Variants in RASA3 observed in about 807,000 individuals in gnomAD.
RASA3 encodes the protein RAS p21 protein activator 3, also known as ras GTPase-activating protein 3.
Under a neutral mutation model 110.0 loss-of-function variants are expected in RASA3, and 73 were observed. The ratio of observed to expected loss-of-function variants is 0.66; its 90% CI spans 0.55 to 0.81. RASA3 has a LOEUF of 0.81. RASA3 is among the 30% of genes least tolerant of loss of function. The probability of loss-of-function intolerance (pLI) is 0.00; values close to 1 mark genes in which losing one functional copy is unlikely to be tolerated. For synonymous variants in RASA3, 500 were observed against 451.4 expected, an observed-to-expected ratio of 1.11 and a Z score of -1.37; for missense variants, 976 against 1,113.2, an observed-to-expected ratio of 0.88 and a Z score of 1.75.
At chr13:114,013,489 GTC>G (rs142638282) in intron 14 of RASA3, among the ~76,000 whole-genome samples, 192 of 130,794 alleles carry the variant, frequency 1.5e-3, no homozygotes, top group African/African-American at 4.7e-3. Flanking sequence ...CCGTATCTCT[GTC>G]TCTCTCTCTC....
chr13:114,018,115 C>T lies in RASA3; in HGVS notation c.1080G>A (p.Val360=), dbSNP rs1417632573. 6.5e-7 allele frequency: 1 copy of T among 1,544,150 alleles called. No homozygotes were observed. The highest frequency in any genetic ancestry group is 8.8e-7 in the Non-Finnish European group (1 of 1,142,836). ...GGGTGGGCACTCACTGGGTCCGCTT[C>T]ACCTCCGCGCTGGCGATGGCACTGA... The part of the protein sequence containing the change: ...PFISAIASAE[V]KRTQDPNTIF... The change falls in exon 11 of 24, where the codon GTG becomes GTA. Residue 360 remains valine (V), a synonymous_variant. Transcript: ENST00000334062.
intron 1 of RASA3, among the ~76,000 whole-genome samples, chr13:114,081,653 G>C (rs2079790282): frequency 6.6e-6 from 1 of 152,174 alleles, no homozygotes; most frequent in Admixed American, 6.5e-5. Flanking sequence ...GCAGACAGGG[G>C]ACCTCTCCTC....
At chr13:114,132,398 CG>C (rs1394941123) in intron 1 of RASA3, 36 bp downstream of exon 1, 30 of 1,488,094 alleles carry the variant, frequency 2.0e-5, no homozygotes, top group Admixed American at 6.6e-5. Flanking sequence ...AGGGTCGGGC[CG>C]GGGGGTCGGA....
At chr13:114,117,094 C>A (rs1439103571) in intron 1 of RASA3, among the ~76,000 whole-genome samples, 1 of 117,296 alleles carries the variant, frequency 8.5e-6, no homozygotes, top group Non-Finnish European at 1.7e-5. Context: ...GTGAGGGATG[C>A]ATGTGTGTGA....
intron 2 of RASA3, among the ~76,000 whole-genome samples, chr13:114,066,470 A>G (rs1361397106): frequency 6.6e-6 from 1 of 152,230 alleles, no homozygotes; most frequent in Non-Finnish European, 1.5e-5. Flanking sequence ...TTTGCTCCTC[A>G]TGGGATCCTC....
chr13:113,992,558 A>G lies in RASA3; in HGVS notation c.2172T>C (p.Ile724=). 1 of 1,613,558 alleles carries G rather than the reference A, an allele frequency of 6.2e-7. No individual in the cohort carries two copies. ...GGLPANIQLD[I]DGDRETERIY... Reference sequence around the variant, plus strand: ...TACGCTCCGTCTCACGGTCCCCATCAATGTCCAGCTGGATGTTGGCTGGGA... The same window carrying G: ...TACGCTCCGTCTCACGGTCCCCATCGATGTCCAGCTGGATGTTGGCTGGGA... Residue 724 remains isoleucine (I), a synonymous_variant, in exon 22 of 24, where the codon ATT becomes ATC. Transcript: ENST00000334062.
intron 1 of RASA3, among the ~76,000 whole-genome samples, chr13:114,101,120 C>T (rs1393192705): frequency 2.0e-5 from 3 of 152,126 alleles, no homozygotes; most frequent in African/African-American, 4.8e-5. Flanking sequence ...ACCAGCAAGG[C>T]GGGTTCTGCA....
Position 113,995,062 on chromosome 13 carries a change from C to T in RASA3, c.2141+1469G>A, listed in dbSNP as rs116878502. Among the ~76,000 whole-genome samples, 886 of 152,340 alleles carry T rather than the reference C, an allele frequency of 5.8e-3. 24 individuals carry two copies. Among genetic ancestry groups the T allele is most frequent in the East Asian group, 0.057 (297 of 5,178 alleles). ...GGATAGGGGAGGCTCCCGAGCTGTC[C>T]GGCCTCAGCGGCTGGAGCCTCTTGG... is the stretch of plus-strand genomic sequence containing the variant. On this transcript the variant is annotated intron_variant, in intron 21 of 23. Transcript: ENST00000334062.
chr13:113,982,187 G>A (rs774047187), intron 22 of RASA3, among the ~76,000 whole-genome samples: 4 of 152,126 alleles, frequency 2.6e-5, no homozygotes, highest in African/African-American at 7.2e-5. Flanking sequence ...ATCTCTGCAC[G>A]CCCCACCAGC....
chr13:114,033,785 CTG>C (rs2054228198), intron 4 of RASA3, among the ~76,000 whole-genome samples: 1 of 152,264 alleles, frequency 6.6e-6, no homozygotes, highest in Admixed American at 6.5e-5. Flanking sequence ...TCCTGAGACT[CTG>C]GGGTCTGGAG....
In RASA3 at chr13:114,003,379, C is replaced by T. The variant is rs184305749; in HGVS notation, c.1743-2447G>A. ...TGAACCTGTATCTACAGCAGCTTCT[C>T]GGCGTCAGACACACAAGCCCTGAGT... On this transcript the variant is annotated intron_variant, in intron 18 of 23. Coordinates refer to ENST00000334062, the MANE Select transcript of RASA3 (RefSeq NM_007368.4). 1.9e-3 allele frequency among the ~76,000 whole-genome samples: 282 copies of T among 152,258 alleles called. 7 individuals carry two copies. The South Asian group carries it at 0.044, about 24-fold the overall frequency.
chr13:114,130,168 G>T (rs2080498613), intron 1 of RASA3, among the ~76,000 whole-genome samples: 1 of 152,194 alleles, frequency 6.6e-6, no homozygotes, highest in African/African-American at 2.4e-5. Flanking sequence ...AGGGTCTCCA[G>T]CCCAGACTGC....
intron 1 of RASA3, among the ~76,000 whole-genome samples, chr13:114,095,147 C>T (rs1025662808): frequency 2.6e-5 from 4 of 152,176 alleles, no homozygotes; most frequent in African/African-American, 9.7e-5. Flanking sequence ...TGATTATTCC[C>T]TTTTATTTAC....
At chr13:114,080,042 C>T (rs1019689664) in intron 1 of RASA3, among the ~76,000 whole-genome samples, 4 of 152,230 alleles carry the variant, frequency 2.6e-5, no homozygotes, top group African/African-American at 7.2e-5. Flanking sequence ...AGGCAGAACT[C>T]GGCGAGGCCG....
chr13:114,045,636 A>G (rs1414373875), intron 3 of RASA3, among the ~76,000 whole-genome samples: 2 of 152,268 alleles, frequency 1.3e-5, no homozygotes, highest in African/African-American at 4.8e-5. Context: ...TGTACAAAAA[A>G]AAATCTACAG....
intron 8 of RASA3, among the ~76,000 whole-genome samples, chr13:114,023,104 C>T (rs2053959503): frequency 6.6e-6 from 1 of 152,258 alleles, no homozygotes; most frequent in African/African-American, 2.4e-5. Context: ...CGCACCGGCT[C>T]CACGTGTCCC....
At chr13:114,013,084 C>A (rs2053676198) in intron 15 of RASA3, 58 bp downstream of exon 15, 2 of 1,480,214 alleles carry the variant, frequency 1.4e-6, no homozygotes, top group Non-Finnish European at 1.8e-6. Flanking sequence ...GATGCCCCAA[C>A]CCAGGCCGGC....
rs4072783 is a variant in RASA3, at chr13:114,114,238, C to T, written c.55+18197G>A. ...CCTATCCTCAGCACAGCCCATGTGACGTTAGAAAGGCAACCGCAAATTCAG... is the reference window on the plus strand; with the variant it reads ...CCTATCCTCAGCACAGCCCATGTGATGTTAGAAAGGCAACCGCAAATTCAG... On this transcript the variant is annotated intron_variant, in intron 1 of 23. Coordinates refer to ENST00000334062, the MANE Select transcript of RASA3 (RefSeq NM_007368.4). The surrounding 1 kb of genome is among the most constrained non-coding windows in gnomAD (Gnocchi z 4.8). 0.039 allele frequency among the ~76,000 whole-genome samples: 5,894 copies of T among 152,284 alleles called. 327 individuals carry two copies. The highest frequency in any genetic ancestry group is 0.11 in the Admixed American group (1,681 of 15,290).
At chr13:114,046,821 A>G (rs2079060961) in intron 3 of RASA3, among the ~76,000 whole-genome samples, 1 of 152,254 alleles carries the variant, frequency 6.6e-6, no homozygotes, top group African/African-American at 2.4e-5. Context: ...TGCCAAAGTC[A>G]TCAACGGAGG....
Sources: gnomAD v4.1 joint callset for allele counts (sites outside exome capture counted in the v4.1 genomes callset) on GRCh38, gnomAD v4.1.1 for gene constraint, Gnocchi (gnomAD v3.1) non-coding constraint, MANE v1.5 for transcripts, NCBI Gene and HGNC (gene_info 2026-07-23, HGNC 2026-07-21) for gene names.